C2CD3: variants seen among roughly 807,000 people sequenced by gnomAD.
C2CD3 encodes the protein C2 domain-containing protein 3.
In C2CD3, 148 loss-of-function variants were observed where a neutral mutation model predicts 234.0. The ratio of observed to expected loss-of-function variants is 0.63; its 90% confidence interval spans 0.55 to 0.72. C2CD3 has a LOEUF of 0.72. Among genes scored for constraint, C2CD3 ranks in the 30% least tolerant of loss-of-function variants. C2CD3 has a pLI of 0.00. For synonymous variants in C2CD3, 1,000 were observed against 1,035.4 expected, an observed-to-expected ratio of 0.97 and a Z score of 0.66; for missense variants, 2,577 against 2,811.5, an observed-to-expected ratio of 0.92 and a Z score of 1.89.
intron 32 of C2CD3, among the ~76,000 whole-genome samples, chr11:74,014,880 G>A (rs1457417474): frequency 6.6e-6 from 1 of 152,146 alleles, no homozygotes; most frequent in Non-Finnish European, 1.5e-5. Flanking sequence ...CTACAATCTG[G>A]GAAGCTCTCA....
intron 29 of C2CD3, among the ~76,000 whole-genome samples, chr11:74,039,597 G>A (rs1952920730): frequency 6.6e-6 from 1 of 152,104 alleles, no homozygotes; most frequent in African/African-American, 2.4e-5. Context: ...ACTAAATTTT[G>A]CGAACTACTG....
chr11:74,069,850 A>G (rs1954715251), intron 24 of C2CD3, among the ~76,000 whole-genome samples: 1 of 152,216 alleles, frequency 6.6e-6, no homozygotes, highest in Non-Finnish European at 1.5e-5. Context: ...GTATTAAGCT[A>G]ACATTAGCTG....
intron 20 of C2CD3, among the ~76,000 whole-genome samples, chr11:74,088,062 AG>A (rs1003364596): frequency 1.1e-4 from 16 of 152,286 alleles, no homozygotes; most frequent in African/African-American, 3.9e-4. Flanking sequence ...AGGATTCAAG[AG>A]GGGTAAGTTT....
At chr11:74,122,871 G>T in intron 8 of C2CD3, 117 bp downstream of exon 8, 1 of 699,210 alleles carries the variant, frequency 1.4e-6, no homozygotes, top group Non-Finnish European at 2.4e-6. Context: ...TCTTGAGGTT[G>T]TCATTAAAAT....
intron 3 of C2CD3, among the ~76,000 whole-genome samples, chr11:74,152,124 T>C (rs925925593): frequency 6.6e-6 from 1 of 152,176 alleles, no homozygotes; most frequent in African/African-American, 2.4e-5. Flanking sequence ...TGCTGGCTCC[T>C]TGAAAAGATT....
rs1954011671 is a variant in C2CD3 at position 74,057,515 on chromosome 11, T to C, written c.4981A>G (p.Ile1661Val). 1.2e-6 allele frequency: 2 copies of C among 1,614,156 alleles called. No individual in the cohort carries two copies. The highest frequency in any genetic ancestry group is 1.7e-6 in the Non-Finnish European group (2 of 1,180,002). ...GSPLTERKVS[I>V]PSCCVSFATA... ...GCAAAGGATACACAACAACTGGGTATCGATACTTTCCGCTCTGTCAAGGGG... is the reference window on the plus strand; with the variant it reads ...GCAAAGGATACACAACAACTGGGTACCGATACTTTCCGCTCTGTCAAGGGG... The change falls in exon 25 of 33, where the codon ATA becomes GTA. Residue 1661 changes from isoleucine (I) to valine (V), a missense_variant. Transcript: ENST00000334126.
At chr11:74,151,469 G>A (rs764149856) in intron 3 of C2CD3, among the ~76,000 whole-genome samples, 1 of 152,038 alleles carries the variant, frequency 6.6e-6, no homozygotes, top group African/African-American at 2.4e-5. Flanking sequence ...TGGGATTACA[G>A]GCACATGCCA....
At chr11:74,053,305 T>TA (rs1190073056) in intron 26 of C2CD3, among the ~76,000 whole-genome samples, 3 of 152,234 alleles carry the variant, frequency 2.0e-5, no homozygotes, top group East Asian at 3.8e-4. Flanking sequence ...GAAAAACTGA[T>TA]ACGGTATTTA....
At chr11:74,020,794 T>G (rs917311122) in intron 32 of C2CD3, among the ~76,000 whole-genome samples, 14 of 152,212 alleles carry the variant, frequency 9.2e-5, no homozygotes, top group Non-Finnish European at 1.5e-5. Flanking sequence ...CTGCCTATCC[T>G]CAGGCCCAGC....
At chr11:74,147,749 G>C (rs758937827) in intron 3 of C2CD3, among the ~76,000 whole-genome samples, 1 of 152,140 alleles carries the variant, frequency 6.6e-6, no homozygotes, top group African/African-American at 2.4e-5. Flanking sequence ...TGTATCTCTG[G>C]AAAGTTTTAT....
At chr11:74,053,120 C>T (rs1385284143) in intron 26 of C2CD3, among the ~76,000 whole-genome samples, 1 of 152,204 alleles carries the variant, frequency 6.6e-6, no homozygotes, top group African/African-American at 2.4e-5. Context: ...CCAGTAAGAA[C>T]TGGGTTCAAA....
At chr11:74,105,423 A>G (rs911664353) in intron 13 of C2CD3, among the ~76,000 whole-genome samples, 15 of 152,076 alleles carry the variant, frequency 9.9e-5, no homozygotes, top group African/African-American at 3.6e-4. Flanking sequence ...GGCGTGTGCC[A>G]CCACTCCTGG....
chr11:74,109,695 T>C (rs1022688827), intron 11 of C2CD3, among the ~76,000 whole-genome samples: 3 of 152,322 alleles, frequency 2.0e-5, no homozygotes, highest in African/African-American at 7.2e-5. Flanking sequence ...AAGGGGTTTC[T>C]GCTATAACTA....
rs189950210 is a variant in C2CD3 at position 74,022,753 on chromosome 11, A to G, written c.6921+5534T>C. On this transcript the variant is annotated intron_variant, in intron 32 of 32. Transcript: ENST00000334126. ...TGTCCCAGTAAAGAGTTACTTCATC[A>G]CAAGAGGGAAGAGAAAGCAGGGGCA... is the stretch of plus-strand genomic sequence containing the variant. Among the ~76,000 whole-genome samples the G allele has an allele frequency of 9.7e-4, 148 of 152,386 alleles. 1 individual carries two copies. Among genetic ancestry groups the G allele is most frequent in the South Asian group, 7.5e-3 (36 of 4,832 alleles).
In C2CD3 at chr11:74,170,872, G is replaced by A. The variant is rs1194813561; in HGVS notation, c.-80C>T. The stretch of plus-strand genomic sequence containing the variant: ...TATCCTCCCGCCATCCCTCCCCACG[G>A]CGCCTGCGTTCCCCGGCAACCGGCG... On this transcript the variant is annotated 5_prime_UTR_variant, in exon 1 of 33. Transcript: ENST00000334126. 6.3e-7 allele frequency: 1 copy of A among 1,598,956 alleles called. No individual in the cohort carries two copies. Among genetic ancestry groups the A allele is most frequent in the African/African-American group, 1.3e-5 (1 of 74,346 alleles).
At position 74,106,406 on chromosome 11, in the gene C2CD3, G is replaced by C. The variant is rs1956520916; in HGVS notation, c.2050C>G (p.Gln684Glu). Residue 684 changes from glutamine to glutamate, a missense_variant, in exon 13 of 33, where the codon CAA (glutamine) becomes GAA (glutamate). Physicochemically the swap from Gln to Glu is conservative, Grantham distance 29 (BLOSUM62 2). Transcript: ENST00000334126. ...CCAAATGGAGACTGACCATTTTCTT[G>C]TTGCACTGGAAGCTGATCACTGAAA... is the stretch of plus-strand genomic sequence containing the variant. ...LSFSDQLPVQ[Q>E]ENGQSPFGPL... is the part of the protein sequence containing the mutation. 2 of 1,613,942 alleles carry C rather than the reference G, an allele frequency of 1.2e-6. No individual in the cohort carries two copies. The highest frequency in any genetic ancestry group is 1.7e-6 in the Non-Finnish European group (2 of 1,179,962).
intron 20 of C2CD3, among the ~76,000 whole-genome samples, chr11:74,087,895 C>T (rs1169094461): frequency 1.3e-5 from 2 of 152,180 alleles, no homozygotes; most frequent in African/African-American, 4.8e-5. Flanking sequence ...AGTTAAAGAT[C>T]AGGTGAGTTA....
At chr11:74,084,315 G>A (rs1425845065) in intron 22 of C2CD3, among the ~76,000 whole-genome samples, 1 of 151,934 alleles carries the variant, frequency 6.6e-6, no homozygotes, top group Non-Finnish European at 1.5e-5. Flanking sequence ...CAGGGGGAGG[G>A]ATAGCATTAG....
Position 74,049,408 on chromosome 11 carries a change from G to A in C2CD3, c.5290C>T (p.Pro1764Ser), listed in dbSNP as rs912821709. 3 of 1,614,048 alleles carry A rather than the reference G, an allele frequency of 1.9e-6. No individual in the cohort carries two copies. Among genetic ancestry groups the A allele is most frequent in the African/African-American group, 2.7e-5 (2 of 74,996 alleles). ...CQGQIKVAVS[P>S]LESLIHFKEE... is the part of the protein sequence containing the mutation. The stretch of plus-strand genomic sequence containing the variant: ...TTGAAGTGTATCAAACTCTCCAAAG[G>A]GGAGACAGCAACTTTTATCTGCCCC... The change falls in exon 27 of 33, where the codon CCT (proline) becomes TCT (serine). Residue 1764 changes from proline (P) to serine (S), a missense_variant. Physicochemically the swap from Pro to Ser is moderately conservative, Grantham distance 74. Coordinates refer to ENST00000334126, the MANE Select transcript of C2CD3 (RefSeq NM_001286577.2).
Sources: gnomAD v4.1 joint callset for allele counts (sites outside exome capture counted in the v4.1 genomes callset) on GRCh38, gnomAD v4.1.1 for gene constraint, MANE v1.5 for transcripts, NCBI Gene and HGNC (gene_info 2026-07-23, HGNC 2026-07-21) for gene names.